The following SPATA6 variants were observed in gnomAD, a reference collection of about 807,000 sequenced individuals.
SPATA6 encodes spermatogenesis-associated protein 6.
Under a neutral mutation model 65.3 loss-of-function variants are expected in SPATA6, and 56 were observed. That is an observed-to-expected ratio of 0.86 (90% CI 0.69 to 1.07). The LOEUF (loss-of-function observed/expected upper bound fraction) is 1.07. Ranked by LOEUF, SPATA6 falls within the 50% of genes least tolerant of loss-of-function variation. SPATA6 has a pLI of 0.00. For missense variants in SPATA6, 590 were observed against 594.8 expected (o/e 0.99, Z 0.08); for synonymous variants, 199 against 213.2 (o/e 0.93, Z 0.58).
At chr1:48,445,771 T>C (rs952657379) in intron 3 of SPATA6, among the ~76,000 whole-genome samples, 6 of 151,928 alleles carry the variant, frequency 3.9e-5, no homozygotes, top group Admixed American at 6.6e-5. Flanking sequence ...CTTTTCTACT[T>C]TGATTAGAAT....
At chr1:48,272,530 G>A in the SPATA6 span, among the ~76,000 whole-genome samples, 1 of 152,014 alleles carries the variant, frequency 6.6e-6, no homozygotes, top group Non-Finnish European at 1.5e-5. Context: ...CTTTTATTAA[G>A]GCAGAATAGT....
At chr1:48,434,313 C>G (rs2148070864) in intron 3 of SPATA6, among the ~76,000 whole-genome samples, 1 of 146,630 alleles carries the variant, frequency 6.8e-6, no homozygotes, top group East Asian at 2.0e-4. Flanking sequence ...AACTGTTATT[C>G]TAGTGAGATA....
At chr1:48,273,450 G>A in the SPATA6 span, among the ~76,000 whole-genome samples, 1 of 152,058 alleles carries the variant, frequency 6.6e-6, no homozygotes, top group African/African-American at 2.4e-5. Context: ...CCATCAACCA[G>A]TCATCTACAT....
chr1:48,330,760 C>T (rs1396956938), intron 11 of SPATA6, among the ~76,000 whole-genome samples: 1 of 152,222 alleles, frequency 6.6e-6, no homozygotes, highest in Non-Finnish European at 1.5e-5. Context: ...CAGGCAATAC[C>T]CAGTAAGAGT....
Position 48,376,422 on chromosome 1 carries a change from C to T in SPATA6, c.909+8887G>A, listed in dbSNP as rs188735129. Among the ~76,000 whole-genome samples the T allele has an allele frequency of 3.3e-3, 497 of 152,028 alleles. 10 individuals are homozygous for T. The highest frequency in any genetic ancestry group is 0.03 in the Admixed American group (461 of 15,262). On this transcript the variant is annotated intron_variant, in intron 9 of 12. Coordinates refer to ENST00000371847, the MANE Select transcript of SPATA6 (RefSeq NM_019073.4). ...TTCCTATTTCAATAAATGGTATCAT[C>T]AAACACTGAGTTGTGAAAATCAGAA...
intron 9 of SPATA6, among the ~76,000 whole-genome samples, chr1:48,370,738 A>G (rs1054928063): frequency 6.6e-6 from 1 of 152,220 alleles, no homozygotes; most frequent in African/African-American, 2.4e-5. Flanking sequence ...GTAAGAAAAT[A>G]AAAGCAAAAT....
At chr1:48,309,717 T>C (rs540875511) in intron 11 of SPATA6, among the ~76,000 whole-genome samples, 1 of 152,348 alleles carries the variant, frequency 6.6e-6, no homozygotes, top group East Asian at 1.9e-4. Flanking sequence ...GTTATTAGCA[T>C]AGTGATTTTC....
intron 3 of SPATA6, among the ~76,000 whole-genome samples, chr1:48,428,702 G>A (rs558734422): frequency 6.6e-5 from 10 of 151,432 alleles, no homozygotes; most frequent in Admixed American, 2.6e-4. Flanking sequence ...TCTCAGGAGC[G>A]GCAGAGACAG....
At chr1:48,442,093 T>G (rs1219655336) in intron 3 of SPATA6, among the ~76,000 whole-genome samples, 2 of 152,182 alleles carry the variant, frequency 1.3e-5, no homozygotes, top group African/African-American at 4.8e-5. Context: ...AATCATGACC[T>G]TAACCTATAT....
the SPATA6 span, among the ~76,000 whole-genome samples, chr1:48,277,668 G>A: frequency 6.6e-6 from 1 of 152,248 alleles, no homozygotes; most frequent in Non-Finnish European, 1.5e-5. Context: ...GGTAAACAAA[G>A]CAGCTGGGAA....
At chr1:48,421,368 G>A (rs1232653584) in intron 3 of SPATA6, among the ~76,000 whole-genome samples, 1 of 151,206 alleles carries the variant, frequency 6.6e-6, no homozygotes, top group East Asian at 1.9e-4. Flanking sequence ...AAAAAAGAAA[G>A]CTTCAATGTA....
chr1:48,406,137 T>G (rs765914433), intron 5 of SPATA6, among the ~76,000 whole-genome samples: 5 of 152,000 alleles, frequency 3.3e-5, no homozygotes, highest in Non-Finnish European at 7.4e-5. Context: ...ACTATAGACA[T>G]TCCTGTTTGA....
At position 48,395,336 on chromosome 1, in the gene SPATA6, T is replaced by C; in HGVS notation, c.799A>G (p.Arg267Gly). The C allele has an allele frequency of 6.4e-7, 1 of 1,561,498 alleles. No individual in the cohort carries two copies. The highest frequency in any genetic ancestry group is 1.2e-5 in the South Asian group (1 of 83,216). Residue 267 changes from arginine (R) to glycine (G), a missense_variant, in exon 8 of 13, where the codon AGG becomes GGG. By Grantham distance (125) the Arg-to-Gly change is moderately radical. Transcript: ENST00000371847. The stretch of plus-strand genomic sequence containing the variant: ...GAAGATCCCAATAAAGTATCAGCCC[T>C]GGGACTTGGGGGATCAACCTAGAGG... ...VIRHVDPPSPRADTLLGSSGR... is the reference protein window; with the variant it reads ...VIRHVDPPSPGADTLLGSSGR...
chr1:48,299,028 A>G (rs1237841792), intron 12 of SPATA6, 135 bp from the exon 13 acceptor site: 2 of 812,228 alleles, frequency 2.5e-6, no homozygotes, highest in African/African-American at 1.7e-5. Flanking sequence ...AAAACAGAGT[A>G]AGGCCTGTGC....
At chr1:48,375,538 T>C (rs957184263) in intron 9 of SPATA6, among the ~76,000 whole-genome samples, 14 of 152,182 alleles carry the variant, frequency 9.2e-5, no homozygotes, top group Non-Finnish European at 1.6e-4. Context: ...TTTTTTTTAA[T>C]TGTTTTCTTC....
intron 12 of SPATA6, among the ~76,000 whole-genome samples, chr1:48,303,212 T>C (rs1273075888): frequency 2.0e-5 from 3 of 152,202 alleles, no homozygotes; most frequent in Non-Finnish European, 2.9e-5. Context: ...ATACAATGTG[T>C]AGTGAATCAA....
chr1:48,277,486 C>G, the SPATA6 span, among the ~76,000 whole-genome samples: 1 of 152,240 alleles, frequency 6.6e-6, no homozygotes, highest in Non-Finnish European at 1.5e-5. Context: ...CAATACTGCG[C>G]TTTTCCGACG....
intron 11 of SPATA6, among the ~76,000 whole-genome samples, chr1:48,330,586 A>T (rs1645886409): frequency 6.6e-6 from 1 of 152,172 alleles, no homozygotes; most frequent in African/African-American, 2.4e-5. Context: ...ATGGCCCTAT[A>T]ACCCCTGCCA....
intron 11 of SPATA6, among the ~76,000 whole-genome samples, chr1:48,307,615 T>A (rs1432192962): frequency 1.3e-5 from 2 of 151,476 alleles, no homozygotes; most frequent in East Asian, 3.9e-4. Context: ...AAATTTTAAG[T>A]AATATAATGT....
Sources: gnomAD v4.1 joint callset for allele counts (sites outside exome capture counted in the v4.1 genomes callset) on GRCh38, gnomAD v4.1.1 for gene constraint, MANE v1.5 for transcripts, NCBI Gene and HGNC (gene_info 2026-07-23, HGNC 2026-07-21) for gene names.